FBXO36: variants seen among roughly 807,000 people sequenced by gnomAD.
FBXO36 encodes the protein F-box protein 36, also known as F-box only protein 36.
Under a neutral mutation model 17.0 loss-of-function variants are expected in FBXO36, and 18 were observed. The ratio of observed to expected loss-of-function variants is 1.06; its 90% CI spans 0.73 to 1.57. FBXO36 has a LOEUF of 1.57. FBXO36 is among the 40% of genes most tolerant of loss of function. The pLI is 0.00. For missense variants in FBXO36, 229 were observed against 221.9 expected (o/e 1.03, Z -0.20); for synonymous variants, 83 against 85.3 (o/e 0.97, Z 0.15).
chr2:229,948,341 T>C (rs2106169548), intron 1 of FBXO36, among the ~76,000 whole-genome samples: 1 of 152,148 alleles, frequency 6.6e-6, no homozygotes, highest in South Asian at 2.1e-4. Context: ...GCAGGAACAG[T>C]CTGAAAAAAC....
chr2:229,982,190 A>AT (rs2077244020), intron 2 of FBXO36, among the ~76,000 whole-genome samples: 1 of 151,518 alleles, frequency 6.6e-6, no homozygotes, highest in Non-Finnish European at 1.5e-5. Context: ...TGCCTGGCTA[A>AT]TTTTTTTGTA....
chr2:229,940,510 C>G (rs575998659), intron 1 of FBXO36, among the ~76,000 whole-genome samples: 4 of 152,102 alleles, frequency 2.6e-5, no homozygotes, highest in Admixed American at 6.6e-5. Flanking sequence ...TGTCTCCCCC[C>G]AAAAAGATAG....
At chr2:229,942,307 C>T (rs986096128) in intron 1 of FBXO36, among the ~76,000 whole-genome samples, 3 of 152,170 alleles carry the variant, frequency 2.0e-5, no homozygotes, top group Non-Finnish European at 4.4e-5. Flanking sequence ...TCTGCCATTC[C>T]GCTGTGTACC....
At chr2:229,972,248 T>G (rs1341737583) in intron 1 of FBXO36, among the ~76,000 whole-genome samples, 2 of 152,118 alleles carry the variant, frequency 1.3e-5, no homozygotes, top group Admixed American at 1.3e-4. Context: ...TCTGCCCGCC[T>G]TGGCCTCCCA....
chr2:229,943,595 CA>C (rs1424955035), intron 1 of FBXO36, among the ~76,000 whole-genome samples: 1 of 152,036 alleles, frequency 6.6e-6, no homozygotes, highest in Non-Finnish European at 1.5e-5. Context: ...CCAGTAGCCT[CA>C]AAAAGCACAT....
At chr2:229,922,658 C>A in intron 1 of FBXO36, 49 bp downstream of exon 1, 2 of 1,589,642 alleles carry the variant, frequency 1.3e-6, no homozygotes, top group Non-Finnish European at 1.7e-6. Context: ...CTACCTGGCC[C>A]GGTTGGGGCC....
intron 1 of FBXO36, among the ~76,000 whole-genome samples, chr2:229,948,494 T>G (rs2077038852): frequency 6.7e-6 from 1 of 149,220 alleles, no homozygotes; most frequent in Non-Finnish European, 1.5e-5. Flanking sequence ...TATCTGACTT[T>G]TAGCCGAACA....
chr2:229,948,926 C>T (rs750745408), intron 1 of FBXO36, among the ~76,000 whole-genome samples: 29 of 152,158 alleles, frequency 1.9e-4, no homozygotes, highest in Admixed American at 3.9e-4. Flanking sequence ...CTTCGCCTCC[C>T]GAGTTCAACT....
intron 1 of FBXO36, among the ~76,000 whole-genome samples, chr2:229,946,152 AT>A (rs1355897714): frequency 6.6e-6 from 1 of 152,196 alleles, no homozygotes; most frequent in African/African-American, 2.4e-5. Context: ...ACCTGAGACC[AT>A]AGGACTGTAC....
At chr2:229,958,164 TA>T (rs1167894281) in intron 1 of FBXO36, among the ~76,000 whole-genome samples, 27 of 149,482 alleles carry the variant, frequency 1.8e-4, no homozygotes, top group East Asian at 1.4e-3. Flanking sequence ...TAATGCAAAT[TA>T]AAAAAAAAAT....
At chr2:229,937,929 T>C (rs2076973212) in intron 1 of FBXO36, 1 of 152,234 alleles carries the variant, frequency 6.6e-6, no homozygotes. Flanking sequence ...ATCTTAGTTT[T>C]GCTTATATGT....
chr2:230,002,080 A>G (rs1259152804), intron 3 of FBXO36, among the ~76,000 whole-genome samples: 1 of 151,788 alleles, frequency 6.6e-6, no homozygotes, highest in African/African-American at 2.4e-5. Context: ...TCAAGTGATC[A>G]GCCTGCCTCA....
rs755046970 is a variant in FBXO36 at position 229,922,590 on chromosome 2, T to C, written c.77T>C (p.Leu26Ser). Reference sequence around the variant, plus strand: ...CCGCCTAGCAAAGACTATTACCAGTTACTGGTCACCCGGTCTCAGGCAAGT... The same window carrying C: ...CCGCCTAGCAAAGACTATTACCAGTCACTGGTCACCCGGTCTCAGGCAAGT... Reference protein sequence around the residue: ...GPPPSKDYYQLLVTRSQVIFR... With the variant: ...GPPPSKDYYQSLVTRSQVIFR... Residue 26 changes from leucine (L) to serine (S), a missense_variant, in exon 1 of 4, where the codon TTA (leucine) becomes TCA (serine). Physicochemically the swap from Leu to Ser is moderately radical, Grantham distance 145. Coordinates refer to ENST00000283946, the MANE Select transcript of FBXO36 (RefSeq NM_174899.5). The C allele has an allele frequency of 6.2e-7, 1 of 1,613,924 alleles. No individual in the cohort carries two copies. The highest frequency in any genetic ancestry group is 8.5e-7 in the Non-Finnish European group (1 of 1,179,996).
intron 1 of FBXO36, 97 bp downstream of exon 1, chr2:229,922,706 C>T (rs1315493560): frequency 2.7e-5 from 35 of 1,316,652 alleles, no homozygotes; most frequent in African/African-American, 1.5e-5. Flanking sequence ...GCAACCGTAG[C>T]CCGCCGGAAG....
intron 1 of FBXO36, among the ~76,000 whole-genome samples, chr2:229,952,901 G>C (rs1327721867): frequency 1.3e-5 from 2 of 152,304 alleles, no homozygotes; most frequent in South Asian, 2.1e-4. Context: ...TGAGAAACTT[G>C]GACTTTGACT....
At chr2:229,985,999 A>T (rs142919725) in intron 2 of FBXO36, among the ~76,000 whole-genome samples, 1 of 152,220 alleles carries the variant, frequency 6.6e-6, no homozygotes, top group Non-Finnish European at 1.5e-5. Context: ...GCTAGCCATG[A>T]TTGTGCCACT....
At chr2:229,942,735 C>T (rs531413326) in intron 1 of FBXO36, 1 of 152,304 alleles carries the variant, frequency 6.6e-6, no homozygotes, top group Non-Finnish European at 1.5e-5. Flanking sequence ...CTGCCCATAC[C>T]AAAGGCTCAG....
At chr2:229,944,616 G>A (rs970707887) in intron 1 of FBXO36, among the ~76,000 whole-genome samples, 6 of 146,412 alleles carry the variant, frequency 4.1e-5, no homozygotes, top group African/African-American at 1.5e-4. Context: ...TTTTTGAGAC[G>A]GAGTCACGCT....
At chr2:229,939,958 C>T (rs1560433323) in intron 1 of FBXO36, among the ~76,000 whole-genome samples, 1 of 152,010 alleles carries the variant, frequency 6.6e-6, no homozygotes, top group Non-Finnish European at 1.5e-5. Flanking sequence ...TGGCGCAGGC[C>T]CGTAGTCCCA....
Sources: gnomAD v4.1 joint callset for allele counts (sites outside exome capture counted in the v4.1 genomes callset) on GRCh38, gnomAD v4.1.1 for gene constraint, MANE v1.5 for transcripts, NCBI Gene and HGNC (gene_info 2026-07-23, HGNC 2026-07-21) for gene names.